Variants in KCNQ2 observed in about 807,000 individuals in gnomAD.
KCNQ2 encodes potassium voltage-gated channel subfamily Q member 2, also known as potassium voltage-gated channel subfamily KQT member 2.
KCNQ2 carries 14 observed loss-of-function variants against 84.8 expected under a neutral mutation model. The observed-to-expected ratio is 0.17, with a 90% CI of 0.11 to 0.26. KCNQ2 has a LOEUF of 0.26. KCNQ2 is among the 10% of genes least tolerant of loss of function. The pLI is 1.00. For missense variants in KCNQ2, 788 were observed against 1,254.0 expected, an observed-to-expected ratio of 0.63 and a Z score of 5.61; for synonymous variants, 599 against 554.1, an observed-to-expected ratio of 1.08 and a Z score of -1.14.
In KCNQ2 at chr20:63,404,951, G is replaced by A. The variant is rs45490998; in HGVS notation, c.*1693C>T. 10,451 of 152,356 alleles carry A rather than the reference G, an allele frequency of 0.069. 437 individuals are homozygous for A. Among genetic ancestry groups the A allele is most frequent in the East Asian group, 0.1 (531 of 5,178 alleles). The allele number at this position is 152,356 out of a possible 1,614,324, so 9.4% of individuals were successfully genotyped here. A position where few individuals can be genotyped will look rare whatever the true frequency, so the allele number is the denominator to read the frequency against. On this transcript the variant is annotated 3_prime_UTR_variant, in exon 17 of 17. Transcript: ENST00000359125. ...GGCCTGGGAGTGCCCTGGCCGGGCT[G>A]GGGGTAGGCAGAGAGGCCAGGGCAG...
chr20:63,425,422 C>T lies in KCNQ2; in HGVS notation c.1218-1216G>A, dbSNP rs922446205. Reference sequence around the variant, plus strand: ...ATGGACTGTGTGTCCAAAACCTCATCGAAATCCCATCCGTTGGCCAGGCAC... The same window carrying T: ...ATGGACTGTGTGTCCAAAACCTCATTGAAATCCCATCCGTTGGCCAGGCAC... On this transcript the variant is annotated intron_variant, in intron 10 of 16. Transcript: ENST00000359125. The surrounding 1 kb of genome is among the most constrained non-coding windows in gnomAD (Gnocchi z 5.5). 6.6e-6 allele frequency among the ~76,000 whole-genome samples: 1 copy of T among 152,132 alleles called. No homozygotes were observed. The highest frequency in any genetic ancestry group is 1.5e-5 in the Non-Finnish European group (1 of 68,024).
At chr20:63,456,087 G>A (rs1044056176) in intron 1 of KCNQ2, among the ~76,000 whole-genome samples, 1 of 107,214 alleles carries the variant, frequency 9.3e-6, no homozygotes, top group Non-Finnish European at 1.9e-5. Context: ...CCCCACCTCC[G>A]GGAGGCCCCT....
At chr20:63,432,855 T>G (rs957761991) in intron 8 of KCNQ2, among the ~76,000 whole-genome samples, 7 of 140,228 alleles carry the variant, frequency 5.0e-5, no homozygotes, top group East Asian at 2.1e-4. Flanking sequence ...CAGGGAAGGA[T>G]CCACCCTCAG....
intron 8 of KCNQ2, 137 bp downstream of exon 8, chr20:63,433,672 C>A: frequency 6.5e-7 from 1 of 1,531,544 alleles, no homozygotes; most frequent in Non-Finnish European, 9.0e-7. Flanking sequence ...AAACCACACA[C>A]AGAACTCCTT....
chr20:63,409,623 A>T (rs1347277633), intron 15 of KCNQ2, among the ~76,000 whole-genome samples: 1 of 152,242 alleles, frequency 6.6e-6, no homozygotes, highest in African/African-American at 2.4e-5. Context: ...CCCACCCAGG[A>T]GAGGCCACAA....
chr20:63,462,523 C>T (rs1037572157), intron 1 of KCNQ2, among the ~76,000 whole-genome samples: 1 of 152,212 alleles, frequency 6.6e-6, no homozygotes, highest in African/African-American at 2.4e-5. Context: ...CCTCTCCCTG[C>T]ACACACCTTC....
In KCNQ2 at chr20:63,438,320, G is replaced by A. The variant is rs2081063675; in HGVS notation, c.1023+305C>T. The A allele has an allele frequency of 2.0e-6, 1 of 499,558 alleles. No homozygotes were observed. The highest frequency in any genetic ancestry group is 3.7e-6 in the Non-Finnish European group (1 of 271,860). The allele number at this position is 499,558 out of a possible 1,614,324, so 30.9% of individuals were successfully genotyped here. ...TAGGAGCCTTGGCCCTGCAGCTGCA[G>A]AACGGGTGTGCTCACCTCCCAGGGT... On this transcript the variant is annotated intron_variant, in intron 7 of 16. Coordinates refer to ENST00000359125, the MANE Select transcript of KCNQ2 (RefSeq NM_172107.4). The surrounding 1 kb of genome is among the most constrained non-coding windows in gnomAD (Gnocchi z 5.1).
At chr20:63,453,539 G>C (rs905205220) in intron 1 of KCNQ2, 2 of 152,352 alleles carry the variant, frequency 1.3e-5, no homozygotes, top group Non-Finnish European at 2.9e-5. Context: ...GGTAGGAGCA[G>C]GGGAGGACGC....
chr20:63,442,671 CCACCACCACCACCAT>C (rs2081206538), intron 4 of KCNQ2, 140 bp from the exon 5 acceptor site: 18 of 550,156 alleles, frequency 3.3e-5, no homozygotes, highest in African/African-American at 6.2e-5. Context: ...ATCACCACCA[CCACCACCACCACCAT>C]CACCATCACC....
In KCNQ2 at chr20:63,438,790, G is replaced by A. The variant is rs2081076599; in HGVS notation, c.928-70C>T. ...CCCCAATTCATCAGGGTCAGACCATGCTCTGGGGCCCCACACCCCCCCCAA... is the reference window on the plus strand; with the variant it reads ...CCCCAATTCATCAGGGTCAGACCATACTCTGGGGCCCCACACCCCCCCCAA... On this transcript the variant is annotated intron_variant, in intron 6 of 16. Transcript: ENST00000359125. The surrounding 1 kb of genome is among the most constrained non-coding windows in gnomAD (Gnocchi z 5.1). 7.0e-7 allele frequency: 1 copy of A among 1,420,870 alleles called. No homozygotes were observed. The highest frequency in any genetic ancestry group is 9.8e-7 in the Non-Finnish European group (1 of 1,021,206). 88.0% of individuals were successfully genotyped at this position (1,420,870 alleles called of 1,614,324 possible). A position where few individuals can be genotyped will look rare whatever the true frequency, so the allele number is the denominator to read the frequency against.
At chr20:63,450,172 C>T (rs1246830462) in intron 1 of KCNQ2, among the ~76,000 whole-genome samples, 1 of 151,442 alleles carries the variant, frequency 6.6e-6, no homozygotes, top group African/African-American at 2.4e-5. Flanking sequence ...ACCACTCCTC[C>T]CCCACCCCTC....
intron 8 of KCNQ2, among the ~76,000 whole-genome samples, chr20:63,431,723 C>A (rs1384232084): frequency 6.6e-6 from 1 of 152,158 alleles, no homozygotes; most frequent in East Asian, 1.9e-4. Context: ...CAAGTGACAC[C>A]CTGAAAAGGC....
chr20:63,429,217 C>T (rs1159107933), intron 9 of KCNQ2, among the ~76,000 whole-genome samples: 1 of 151,760 alleles, frequency 6.6e-6, no homozygotes, highest in Non-Finnish European at 1.5e-5. Context: ...CACCCATGCC[C>T]TCACAGCATT....
intron 1 of KCNQ2, among the ~76,000 whole-genome samples, chr20:63,468,954 G>A (rs939534554): frequency 2.1e-4 from 32 of 152,372 alleles, no homozygotes; most frequent in South Asian, 1.0e-3. Context: ...ACCAGGCTGC[G>A]TGACCCTCTG....
intron 1 of KCNQ2, among the ~76,000 whole-genome samples, chr20:63,452,887 G>T (rs905560268): frequency 6.6e-6 from 1 of 151,676 alleles, no homozygotes; most frequent in East Asian, 1.9e-4. Context: ...CCGGGACGAC[G>T]CGCCAGCCGG....
At position 63,438,636 on chromosome 20, in the gene KCNQ2, C is replaced by A; in HGVS notation, c.1012G>T (p.Gly338Cys). Residue 338 changes from glycine (G) to cysteine (C), a missense_variant, in exon 7 of 17, where the codon GGC (glycine) becomes TGC (cysteine). By Grantham distance (159) the Gly-to-Cys change is radical. Transcript: ENST00000359125. This position sits in a 1 kb window ranked among gnomAD's most constrained non-coding sequence, Gnocchi z 5.1. Reference protein sequence around the residue: ...HFEKRRNPAAGLIQSAWRFYA... With the variant: ...HFEKRRNPAACLIQSAWRFYA... ...ACACCTGGACTCACCTGGATCAGGCCTGCTGCCGGGTTCCGCCTCTTCTCA... is the reference window on the plus strand; with the variant it reads ...ACACCTGGACTCACCTGGATCAGGCATGCTGCCGGGTTCCGCCTCTTCTCA... 1 of 1,613,716 alleles carries A rather than the reference C, an allele frequency of 6.2e-7. No individual in the cohort carries two copies. Among genetic ancestry groups the A allele is most frequent in the Non-Finnish European group, 8.5e-7 (1 of 1,179,974 alleles).
At chr20:63,434,257 A>C (rs4809300) in intron 7 of KCNQ2, 252,817 of 272,392 alleles carry the variant, frequency 0.93, 117,418 homozygotes, top group East Asian at 1. Context: ...TACCTTCCTG[A>C]CCTCCTGGTT....
intron 5 of KCNQ2, among the ~76,000 whole-genome samples, 156 bp downstream of exon 5, chr20:63,442,250 A>C (rs1024732234): frequency 2.0e-3 from 165 of 84,404 alleles, no homozygotes; most frequent in Non-Finnish European, 2.9e-3. Context: ...GGCAACCACC[A>C]CCCCGCCTCG....
rs772513825 is a variant in KCNQ2, at chr20:63,454,233, C to A, written c.297-7396G>T. Among the ~76,000 whole-genome samples, 3 of 152,248 alleles carry A rather than the reference C, an allele frequency of 2.0e-5. No individual in the cohort carries two copies. The East Asian group carries it at 5.8e-4, about 29-fold the overall frequency. On this transcript the variant is annotated intron_variant, in intron 1 of 16. Transcript: ENST00000359125. ...TTCCGCCCATCTGCCCCCGCCTCGC[C>A]GGCCCGCAGACCCTGCATGAAGGAA...
Sources: allele counts gnomAD v4.1 joint callset (sites outside exome capture counted in the v4.1 genomes callset), GRCh38; gene constraint gnomAD v4.1.1; non-coding constraint Gnocchi (gnomAD v3.1); transcripts MANE v1.5; gene names NCBI Gene and HGNC (gene_info 2026-07-23, HGNC 2026-07-21).